The following LIX1 variants were observed in gnomAD, a reference collection of about 807,000 sequenced individuals.
LIX1 encodes the protein protein limb expression 1 homolog.
LIX1 carries 24 observed loss-of-function variants against 33.4 expected under a neutral mutation model. The ratio of observed to expected loss-of-function variants is 0.72; its 90% CI spans 0.52 to 1.01. The LOEUF (loss-of-function observed/expected upper bound fraction) is 1.01. LIX1 is among the 50% of genes least tolerant of loss of function. LIX1 has a pLI of 0.00. For synonymous variants in LIX1, 124 were observed against 124.0 expected, an observed-to-expected ratio of 1.00 and a Z score of 0.00; for missense variants, 311 against 339.2, an observed-to-expected ratio of 0.92 and a Z score of 0.65.
chr5:97,135,351 G>T (rs1580248288), intron 1 of LIX1, among the ~76,000 whole-genome samples: 1 of 152,206 alleles, frequency 6.6e-6, no homozygotes, highest in Non-Finnish European at 1.5e-5. Context: ...GTATACCATA[G>T]TTAAGCAGCA....
chr5:97,124,465 C>T lies in LIX1; in HGVS notation c.246+1G>A. 6.3e-7 allele frequency: 1 copy of T among 1,595,334 alleles called. No homozygotes were observed. The highest frequency in any genetic ancestry group is 1.3e-5 in the African/African-American group (1 of 74,522). On this transcript the variant is annotated splice_donor_variant, in intron 2 of 5. Coordinates refer to ENST00000274382, the MANE Select transcript of LIX1 (RefSeq NM_153234.5). LOFTEE classifies it high-confidence loss of function. ...CTGACAAATTAATGGCTACTTCTTACCTGAAAGTTGCCAAAACAGCTTCCC... is the reference window on the plus strand; with the variant it reads ...CTGACAAATTAATGGCTACTTCTTATCTGAAAGTTGCCAAAACAGCTTCCC...
chr5:97,108,400 A>G (rs1461419707), intron 2 of LIX1, among the ~76,000 whole-genome samples: 1 of 152,174 alleles, frequency 6.6e-6, no homozygotes, highest in Non-Finnish European at 1.5e-5. Context: ...CCATCCTGCT[A>G]GACTGGCTTT....
intron 2 of LIX1, among the ~76,000 whole-genome samples, chr5:97,120,203 C>T (rs1237987816): frequency 1.3e-5 from 2 of 152,176 alleles, no homozygotes; most frequent in African/African-American, 4.8e-5. Context: ...CACTATCTTG[C>T]AGATTTAGGT....
rs1269622331 is a variant in LIX1, at chr5:97,092,186, T to C, written c.*2562A>G. On this transcript the variant is annotated 3_prime_UTR_variant, in exon 6 of 6. Transcript: ENST00000274382. ...GATCCCCTAGGGCAATCTCTGGACT[T>C]TGGGGGGTCCACATACTCTGGAACT... is the stretch of plus-strand genomic sequence containing the variant. 1.3e-5 allele frequency: 2 copies of C among 152,302 alleles called. No homozygotes were observed. Among genetic ancestry groups the C allele is most frequent in the African/African-American group, 2.4e-5 (1 of 41,440 alleles). The allele number at this position is 152,302 out of a possible 1,614,324, so 9.4% of individuals were successfully genotyped here. A position where few individuals can be genotyped will look rare whatever the true frequency, so the allele number is the denominator to read the frequency against.
chr5:97,102,816 A>G (rs1746785170), intron 4 of LIX1, among the ~76,000 whole-genome samples: 1 of 152,058 alleles, frequency 6.6e-6, no homozygotes, highest in African/African-American at 2.4e-5. Flanking sequence ...TTTTCCAAAA[A>G]TAGCGCTAAA....
At chr5:97,112,631 T>G (rs747967755) in intron 2 of LIX1, among the ~76,000 whole-genome samples, 14 of 152,322 alleles carry the variant, frequency 9.2e-5, no homozygotes, top group Non-Finnish European at 1.9e-4. Flanking sequence ...AAGATTTTAC[T>G]AAAGTCAGCT....
rs147162855 is a variant in LIX1 at position 97,111,974 on chromosome 5, C to T, written c.247-4474G>A. On this transcript the variant is annotated intron_variant, in intron 2 of 5. Transcript: ENST00000274382. ...CAATGTACAGAATCTTTGCTTAAAA[C>T]GGGGGAGAAAGTGTTCCAATTAATA... Among the ~76,000 whole-genome samples the T allele has an allele frequency of 3.9e-5, 6 of 152,224 alleles. No individual in the cohort carries two copies. In the South Asian group the frequency reaches 6.2e-4, roughly 16 times the overall value.
chr5:97,125,382 G>T (rs550258559), intron 1 of LIX1, among the ~76,000 whole-genome samples: 35 of 152,334 alleles, frequency 2.3e-4, no homozygotes, highest in African/African-American at 7.5e-4. Flanking sequence ...AAGGATAATA[G>T]AATTGTAGAG....
chr5:97,128,187 C>T (rs1407305660), intron 1 of LIX1, among the ~76,000 whole-genome samples: 3 of 152,182 alleles, frequency 2.0e-5, no homozygotes, highest in Admixed American at 1.3e-4. Flanking sequence ...TATTTTTAAC[C>T]TACTTCAAGT....
At chr5:97,105,120 A>C in intron 4 of LIX1, 70 bp downstream of exon 4, 1 of 1,345,900 alleles carries the variant, frequency 7.4e-7, no homozygotes, top group South Asian at 1.2e-5. Flanking sequence ...GATGTTAGTG[A>C]TAAATGTTGC....
rs1227293759 is a variant in LIX1, at chr5:97,092,565, T to A, written c.*2183A>T. Reference sequence around the variant, plus strand: ...GACTTTTATTTATTTTGCTGAAGCTTTCATACCATTCCAGGAAGAATGGGC... The same window carrying A: ...GACTTTTATTTATTTTGCTGAAGCTATCATACCATTCCAGGAAGAATGGGC... On this transcript the variant is annotated 3_prime_UTR_variant, in exon 6 of 6. Transcript: ENST00000274382. 4 of 152,350 alleles carry A rather than the reference T, an allele frequency of 2.6e-5. No individual in the cohort carries two copies. Among genetic ancestry groups the A allele is most frequent in the African/African-American group, 7.2e-5 (3 of 41,450 alleles). 9.4% of individuals were successfully genotyped at this position (152,350 alleles called of 1,614,324 possible).
chr5:97,103,228 C>A, intron 4 of LIX1: 1 of 344,788 alleles, frequency 2.9e-6, no homozygotes. Flanking sequence ...TTTTATCCTA[C>A]AATAGGGGCT....
At position 97,094,720 on chromosome 5, in the gene LIX1, C is replaced by T. The variant is rs1344546282; in HGVS notation, c.*28G>A. 3.7e-6 allele frequency: 6 copies of T among 1,605,736 alleles called. No individual in the cohort carries two copies. The highest frequency in any genetic ancestry group is 5.1e-6 in the Non-Finnish European group (6 of 1,174,832). On this transcript the variant is annotated 3_prime_UTR_variant, in exon 6 of 6. Coordinates refer to ENST00000274382, the MANE Select transcript of LIX1 (RefSeq NM_153234.5). Reference sequence around the variant, plus strand: ...CTAATGTTAATCTGGCCTCTGCCATCACTGAGGGTACCCGGGGCTTGGCCT... The same window carrying T: ...CTAATGTTAATCTGGCCTCTGCCATTACTGAGGGTACCCGGGGCTTGGCCT...
intron 2 of LIX1, among the ~76,000 whole-genome samples, chr5:97,110,055 G>A (rs61523291): frequency 0.011 from 1,694 of 152,284 alleles, 25 homozygotes; most frequent in African/African-American, 0.039. Flanking sequence ...GAGTGTGCAC[G>A]TGTCTTTTTC....
intron 1 of LIX1, 93 bp downstream of exon 1, chr5:97,142,402 G>C: frequency 1.2e-6 from 1 of 854,320 alleles, no homozygotes; most frequent in Non-Finnish European, 1.9e-6. Flanking sequence ...CGACTGCAGA[G>C]ATTTAGGAGA....
chr5:97,124,548 A>G lies in LIX1; in HGVS notation c.164T>C (p.Val55Ala), dbSNP rs1452428178. 1 of 1,612,372 alleles carries G rather than the reference A, an allele frequency of 6.2e-7. No individual in the cohort carries two copies. The highest frequency in any genetic ancestry group is 8.5e-7 in the Non-Finnish European group (1 of 1,179,060). Residue 55 changes from valine (V) to alanine (A), a missense_variant, in exon 2 of 6, where the codon GTC becomes GCC. Physicochemically the swap from Val to Ala is moderately conservative, Grantham distance 64 (BLOSUM62 0). Transcript: ENST00000274382. ...KAAFPSEGVV[V>A]YESLPAPGPP... ...CCCAGGAGCTGGCAGTGACTCATAG[A>G]CCACCACACCTTCACTTGGGAATGC...
rs1746947205 is a variant in LIX1, at chr5:97,105,190, C to A, written c.483G>T (p.Gln161His). 1 of 1,613,680 alleles carries A rather than the reference C, an allele frequency of 6.2e-7. No individual in the cohort carries two copies. The highest frequency in any genetic ancestry group is 2.2e-5 in the East Asian group (1 of 44,874). Reference protein sequence around the residue: ...SNMGKTMLEFQELMTIFQLLH... With the variant: ...SNMGKTMLEFHELMTIFQLLH... ...AAATATGTGGCAGGCAGGCAGGTAC[C>A]TGAAACTCCAGCATAGTCTTCCCCA... Residue 161 changes from glutamine (Q) to histidine (H), a missense_variant and splice_region_variant, in exon 4 of 6, where the codon CAG (glutamine) becomes CAT (histidine). Transcript: ENST00000274382.
Position 97,094,581 on chromosome 5 carries a change from G to A in LIX1, c.*167C>T. ...TGCATCGAGTGGCTTGTTGGGTCTT[G>A]TAAGGGTCCTACGACTCTCATACTC... On this transcript the variant is annotated 3_prime_UTR_variant, in exon 6 of 6. Coordinates refer to ENST00000274382, the MANE Select transcript of LIX1 (RefSeq NM_153234.5). The A allele has an allele frequency of 1.6e-6, 1 of 616,318 alleles. No individual in the cohort carries two copies. Among genetic ancestry groups the A allele is most frequent in the Non-Finnish European group, 2.8e-6 (1 of 356,800 alleles). 38.2% of individuals were successfully genotyped at this position (616,318 alleles called of 1,614,324 possible). A position where few individuals can be genotyped will look rare whatever the true frequency, so the allele number is the denominator to read the frequency against.
At chr5:97,137,008 G>T in intron 1 of LIX1, 1 of 335,960 alleles carries the variant, frequency 3.0e-6, no homozygotes, top group South Asian at 2.4e-5. Flanking sequence ...TTTATGAAAG[G>T]CTTCTAAAGT....
Sources: allele counts gnomAD v4.1 joint callset (sites outside exome capture counted in the v4.1 genomes callset), GRCh38; gene constraint gnomAD v4.1.1; transcripts MANE v1.5; gene names NCBI Gene and HGNC (gene_info 2026-07-23, HGNC 2026-07-21).